Variants in POLA1 observed in about 807,000 individuals in gnomAD.
The protein encoded by POLA1 is DNA polymerase alpha catalytic subunit.
Under a neutral mutation model 124.0 loss-of-function variants are expected in POLA1, and 15 were observed. The ratio of observed to expected loss-of-function variants is 0.12; its 90% confidence interval spans 0.08 to 0.19. The LOEUF is 0.19. POLA1 is among the 10% of genes least tolerant of loss of function. The pLI is 1.00. For missense variants in POLA1, 886 were observed against 1,103.4 expected (o/e 0.80, Z 2.79); for synonymous variants, 408 against 389.4 (o/e 1.05, Z -0.56).
rs1221917714 is a variant in POLA1, at chrX:24,820,777, T to C, written c.3430-675T>C. On this transcript the variant is annotated intron_variant, in intron 30 of 36. Transcript: ENST00000379068. Reference sequence around the variant, plus strand: ...CTTCCACTAATAGCAGATGACTGTGTCTTATTCATCCTGTGGTACTTTATA... The same window carrying C: ...CTTCCACTAATAGCAGATGACTGTGCCTTATTCATCCTGTGGTACTTTATA... Among the ~76,000 whole-genome samples the C allele has an allele frequency of 4.6e-5, 5 of 109,390 alleles. No individual in the cohort carries two copies. In the Admixed American group the frequency reaches 4.9e-4, roughly 11 times the overall value. The allele number at this position is 109,390 out of a possible 115,157, so 95.0% of individuals were successfully genotyped here. A position where few individuals can be genotyped will look rare whatever the true frequency, so the allele number is the denominator to read the frequency against.
chrX:24,820,495 GT>G (rs1024207405), intron 30 of POLA1, among the ~76,000 whole-genome samples: 1 of 111,079 alleles, frequency 9.0e-6, no homozygotes, highest in African/African-American at 3.3e-5. Flanking sequence ...AATAGAATGC[GT>G]TTTTTTCTCA....
At chrX:24,890,470 T>C (rs1258548086) in intron 35 of POLA1, among the ~76,000 whole-genome samples, 1 of 112,153 alleles carries the variant, frequency 8.9e-6, no homozygotes, top group East Asian at 2.8e-4. Flanking sequence ...TACTTGAAAT[T>C]TTGTGATGAA....
intron 28 of POLA1, among the ~76,000 whole-genome samples, chrX:24,811,906 T>A (rs1411345555): frequency 8.9e-6 from 1 of 112,585 alleles, no homozygotes; most frequent in Non-Finnish European, 1.9e-5. Flanking sequence ...AATAGCAATT[T>A]GCAATCGCAA....
At chrX:24,704,663 A>G (rs1379257007) in intron 4 of POLA1, among the ~76,000 whole-genome samples, 194 bp downstream of exon 4, 1 of 112,233 alleles carries the variant, frequency 8.9e-6, no homozygotes, top group Admixed American at 9.5e-5. Flanking sequence ...CAGAAACAAC[A>G]TCAGGAAATG....
intron 34 of POLA1, among the ~76,000 whole-genome samples, chrX:24,849,532 C>T (rs754199125): frequency 2.7e-5 from 3 of 110,856 alleles, no homozygotes; most frequent in South Asian, 3.9e-4. Context: ...TGCAGTGGTA[C>T]GATCATGGCT....
At chrX:24,721,291 T>TC (rs1366219179) in intron 10 of POLA1, among the ~76,000 whole-genome samples, 1 of 112,548 alleles carries the variant, frequency 8.9e-6, no homozygotes, top group East Asian at 2.8e-4. Context: ...AATAGCTCTT[T>TC]AGTGGTAGAA....
chrX:24,779,537 C>T (rs1014721371), intron 26 of POLA1, among the ~76,000 whole-genome samples: 3 of 111,834 alleles, frequency 2.7e-5, no homozygotes, highest in African/African-American at 6.5e-5. Context: ...AAGAACTGGT[C>T]CTGACTTGGT....
At chrX:24,807,538 G>A (rs1470212889) in intron 26 of POLA1, among the ~76,000 whole-genome samples, 4 of 111,885 alleles carry the variant, frequency 3.6e-5, no homozygotes, top group Admixed American at 2.8e-4. Context: ...TTTTATGTTA[G>A]CTGAATTTTA....
chrX:24,961,239 A>G (rs775177114), intron 36 of POLA1, among the ~76,000 whole-genome samples: 2 of 110,978 alleles, frequency 1.8e-5, no homozygotes, highest in Non-Finnish European at 3.8e-5. Context: ...CTTTTTCACC[A>G]TCTTGCTTGG....
At chrX:24,760,181 G>A (rs903148606) in intron 26 of POLA1, among the ~76,000 whole-genome samples, 2 of 112,267 alleles carry the variant, frequency 1.8e-5, no homozygotes, top group Non-Finnish European at 3.8e-5. Flanking sequence ...CTTAAGGAAA[G>A]GGAAGAATAA....
intron 35 of POLA1, among the ~76,000 whole-genome samples, chrX:24,888,945 C>G (rs1222235093): frequency 9.1e-6 from 1 of 110,099 alleles, no homozygotes; most frequent in Non-Finnish European, 1.9e-5. Context: ...TCTCGGCTCA[C>G]TGCAATCTCC....
At chrX:24,955,973 C>T (rs966309111) in intron 36 of POLA1, among the ~76,000 whole-genome samples, 16 of 111,788 alleles carry the variant, frequency 1.4e-4, no homozygotes, top group Admixed American at 3.8e-4. Context: ...TCTTCTCTAT[C>T]GGAGGAATTA....
chrX:24,891,343 A>G (rs1377365928), intron 35 of POLA1, among the ~76,000 whole-genome samples: 1 of 111,503 alleles, frequency 9.0e-6, no homozygotes, highest in Non-Finnish European at 1.9e-5. Context: ...ACTCAGTTTC[A>G]GAGCAGGCTG....
At chrX:24,944,832 G>A (rs768066094) in intron 36 of POLA1, among the ~76,000 whole-genome samples, 3 of 112,137 alleles carry the variant, frequency 2.7e-5, no homozygotes, top group South Asian at 3.7e-4. Flanking sequence ...AACATTCAAC[G>A]GTTCTAGTTT....
chrX:24,741,620 A>G, intron 21 of POLA1, 116 bp downstream of exon 21: 1 of 641,567 alleles, frequency 1.6e-6, no homozygotes, highest in Non-Finnish European at 2.4e-6. Flanking sequence ...AGTAACTTGG[A>G]TTCTGAAAGC....
chrX:24,696,434 G>A (rs980454584), intron 1 of POLA1, among the ~76,000 whole-genome samples: 7 of 111,918 alleles, frequency 6.3e-5, no homozygotes, highest in Non-Finnish European at 1.3e-4. Context: ...CATTGTTGCC[G>A]GTTTTGTAAT....
intron 35 of POLA1, among the ~76,000 whole-genome samples, chrX:24,896,166 C>T (rs1323294651): frequency 3.6e-5 from 4 of 111,603 alleles, no homozygotes; most frequent in Non-Finnish European, 7.5e-5. Context: ...TTTTGGTTGT[C>T]ATAACTGGGG....
At chrX:24,968,535 T>A (rs1005014994) in intron 36 of POLA1, among the ~76,000 whole-genome samples, 94 of 109,368 alleles carry the variant, frequency 8.6e-4, no homozygotes, top group Non-Finnish European at 1.6e-3. Context: ...CTGTCTCTAC[T>A]AAAAATACAA....
At chrX:24,913,198 T>A (rs1045662522) in intron 35 of POLA1, among the ~76,000 whole-genome samples, 2 of 112,269 alleles carry the variant, frequency 1.8e-5, no homozygotes, top group South Asian at 3.7e-4. Flanking sequence ...ACATCTTGGA[T>A]GAATAGCAGA....
Sources: gnomAD v4.1 joint callset for allele counts (sites outside exome capture counted in the v4.1 genomes callset) on GRCh38, gnomAD v4.1.1 for gene constraint, MANE v1.5 for transcripts, NCBI Gene and HGNC (gene_info 2026-07-23, HGNC 2026-07-21) for gene names.